Variants in UNC5C observed in about 807,000 individuals in gnomAD.
The protein encoded by UNC5C is netrin receptor UNC5C.
In UNC5C, 47 loss-of-function variants were observed where a neutral mutation model predicts 99.8. The ratio of observed to expected loss-of-function variants is 0.47; its 90% CI spans 0.37 to 0.60. The LOEUF is 0.60. UNC5C is among the 20% of genes least tolerant of loss of function. The pLI is 0.00. For missense variants in UNC5C, 1,062 were observed against 1,165.9 expected (o/e 0.91, Z 1.30); for synonymous variants, 487 against 452.2 (o/e 1.08, Z -0.98).
At chr4:95,248,641 T>G (rs1446429270) in intron 5 of UNC5C, 1 of 447,428 alleles carries the variant, frequency 2.2e-6, no homozygotes, top group Non-Finnish European at 4.5e-6. Context: ...ATAGTCAATA[T>G]GCCAAGTGGC....
chr4:95,541,252 C>T (rs1722911214), intron 1 of UNC5C, among the ~76,000 whole-genome samples: 1 of 152,118 alleles, frequency 6.6e-6, no homozygotes, highest in Non-Finnish European at 1.5e-5. Flanking sequence ...CTGCATGGAG[C>T]TCTGAGTAGC....
chr4:95,346,626 A>G (rs534738901), intron 1 of UNC5C, among the ~76,000 whole-genome samples: 2 of 152,168 alleles, frequency 1.3e-5, no homozygotes, highest in East Asian at 3.9e-4. Context: ...GGATAGTTCA[A>G]CATACACAAA....
At chr4:95,385,166 GA>G (rs1025032228) in intron 1 of UNC5C, among the ~76,000 whole-genome samples, 3 of 151,056 alleles carry the variant, frequency 2.0e-5, no homozygotes, top group Non-Finnish European at 4.4e-5. Flanking sequence ...TGCAGTCAAA[GA>G]AAAAAAAACT....
chr4:95,442,746 A>G (rs543019536), intron 1 of UNC5C, among the ~76,000 whole-genome samples: 3 of 152,258 alleles, frequency 2.0e-5, no homozygotes, highest in Admixed American at 6.5e-5. Flanking sequence ...AATGCGCCAA[A>G]TAATTAGTAA....
intron 1 of UNC5C, among the ~76,000 whole-genome samples, chr4:95,513,823 G>A (rs1281200562): frequency 6.6e-6 from 1 of 152,136 alleles, no homozygotes; most frequent in Non-Finnish European, 1.5e-5. Flanking sequence ...ATCATGACAA[G>A]TCTCTTAAAT....
intron 1 of UNC5C, among the ~76,000 whole-genome samples, chr4:95,504,024 A>G (rs1052095165): frequency 6.6e-6 from 1 of 152,172 alleles, no homozygotes; most frequent in African/African-American, 2.4e-5. Context: ...ACCACTATGT[A>G]ATATCACTAA....
At chr4:95,496,680 TTTTTAA>T (rs113488946) in intron 1 of UNC5C, among the ~76,000 whole-genome samples, 6,483 of 151,918 alleles carry the variant, frequency 0.043, 212 homozygotes, top group Admixed American at 0.11. Flanking sequence ...TATTTGTACT[TTTTTAA>T]TTTTTATTTT....
At chr4:95,451,146 T>C (rs1267229080) in intron 1 of UNC5C, among the ~76,000 whole-genome samples, 1 of 152,180 alleles carries the variant, frequency 6.6e-6, no homozygotes, top group Non-Finnish European at 1.5e-5. Flanking sequence ...TCACTTTAAA[T>C]CTCAACGTGG....
Position 95,320,744 on chromosome 4 carries a change from C to T in UNC5C, c.346+14666G>A, listed in dbSNP as rs1279775326. Among the ~76,000 whole-genome samples, 2 of 152,108 alleles carry T rather than the reference C, an allele frequency of 1.3e-5. 1 individual carries two copies. Among genetic ancestry groups the T allele is most frequent in the South Asian group, 4.1e-4 (2 of 4,828 alleles). On this transcript the variant is annotated intron_variant, in intron 2 of 15. Coordinates refer to ENST00000453304, the MANE Select transcript of UNC5C (RefSeq NM_003728.4). ...CTCTGCGTGGGCCTGAGGGTGGACACGATTTGATTTTTTCTCTTCTAAATT... is the reference window on the plus strand; with the variant it reads ...CTCTGCGTGGGCCTGAGGGTGGACATGATTTGATTTTTTCTCTTCTAAATT...
At chr4:95,310,253 A>G (rs1307535948) in intron 2 of UNC5C, among the ~76,000 whole-genome samples, 2 of 152,310 alleles carry the variant, frequency 1.3e-5, no homozygotes, top group East Asian at 3.9e-4. Context: ...CCATAGAAGC[A>G]GAGCAAAAAT....
intron 4 of UNC5C, among the ~76,000 whole-genome samples, chr4:95,270,902 C>G (rs529991781): frequency 4.7e-4 from 72 of 152,284 alleles, no homozygotes; most frequent in African/African-American, 1.4e-3. Context: ...GGATAAGTAA[C>G]TCTCAGCCTT....
intron 4 of UNC5C, among the ~76,000 whole-genome samples, chr4:95,274,557 C>T (rs944035889): frequency 1.3e-5 from 2 of 151,638 alleles, no homozygotes; most frequent in African/African-American, 2.4e-5. Flanking sequence ...ATAAGGAGTC[C>T]TCGGTTGGCC....
At chr4:95,519,108 G>A (rs184894465) in intron 1 of UNC5C, among the ~76,000 whole-genome samples, 4 of 152,192 alleles carry the variant, frequency 2.6e-5, no homozygotes, top group South Asian at 2.1e-4. Context: ...TTTGGGAAAT[G>A]TTGCTTCAAG....
chr4:95,335,993 C>G (rs1743322393), intron 1 of UNC5C, among the ~76,000 whole-genome samples: 1 of 151,812 alleles, frequency 6.6e-6, no homozygotes, highest in Non-Finnish European at 1.5e-5. Context: ...CAGACAAAAG[C>G]AAGAGCAACT....
intron 10 of UNC5C, among the ~76,000 whole-genome samples, chr4:95,212,228 AT>A (rs1009681296): frequency 2.0e-5 from 3 of 152,134 alleles, no homozygotes; most frequent in Non-Finnish European, 4.4e-5. Context: ...GATTCCACCA[AT>A]TAAAAAAAAA....
intron 12 of UNC5C, among the ~76,000 whole-genome samples, chr4:95,188,095 A>G (rs1377148881): frequency 6.6e-6 from 1 of 152,226 alleles, no homozygotes; most frequent in Non-Finnish European, 1.5e-5. Flanking sequence ...CTGTCTTAGC[A>G]TAAAGCTAAG....
At chr4:95,228,535 T>A (rs1471020445) in intron 7 of UNC5C, among the ~76,000 whole-genome samples, 1 of 152,216 alleles carries the variant, frequency 6.6e-6, no homozygotes, top group Admixed American at 6.5e-5. Flanking sequence ...AATTTAACCC[T>A]TTGAGTATAG....
At chr4:95,530,888 G>A (rs1274179164) in intron 1 of UNC5C, among the ~76,000 whole-genome samples, 1 of 152,128 alleles carries the variant, frequency 6.6e-6, no homozygotes, top group Non-Finnish European at 1.5e-5. Context: ...AAGATTCGAT[G>A]ACCTTTGAAA....
intron 12 of UNC5C, among the ~76,000 whole-genome samples, chr4:95,200,554 T>C (rs1001197695): frequency 6.6e-6 from 1 of 152,232 alleles, no homozygotes; most frequent in Admixed American, 6.5e-5. Context: ...TGGTGCCTTA[T>C]AGATAAAATG....
Sources: gnomAD v4.1 joint callset for allele counts (sites outside exome capture counted in the v4.1 genomes callset) on GRCh38, gnomAD v4.1.1 for gene constraint, MANE v1.5 for transcripts, NCBI Gene and HGNC (gene_info 2026-07-23, HGNC 2026-07-21) for gene names.